BCKDHB: variants seen among roughly 807,000 people sequenced by gnomAD.
BCKDHB encodes the protein branched chain keto acid dehydrogenase E1 subunit beta, also known as 2-oxoisovalerate dehydrogenase subunit beta, mitochondrial.
In BCKDHB, 41 loss-of-function variants were observed where a neutral mutation model predicts 48.5. The observed-to-expected ratio is 0.85, with a 90% CI of 0.66 to 1.10. The LOEUF is 1.10. BCKDHB is among the 50% of genes least tolerant of loss of function. BCKDHB has a pLI of 0.00. For synonymous variants in BCKDHB, 201 were observed against 174.8 expected, an observed-to-expected ratio of 1.15 and a Z score of -1.18; for missense variants, 496 against 494.2, an observed-to-expected ratio of 1.00 and a Z score of -0.03.
At chr6:80,223,480 G>A (rs1775550622) in intron 8 of BCKDHB, among the ~76,000 whole-genome samples, 1 of 151,954 alleles carries the variant, frequency 6.6e-6, no homozygotes, top group Non-Finnish European at 1.5e-5. Flanking sequence ...GTCAGTTTTG[G>A]AAAATAATAA....
chr6:80,159,305 C>A lies in BCKDHB; in HGVS notation c.344-8373C>A, dbSNP rs374742187. Among the ~76,000 whole-genome samples, 262 of 151,628 alleles carry A rather than the reference C, an allele frequency of 1.7e-3. 1 individual carries two copies. Among genetic ancestry groups the A allele is most frequent in the African/African-American group, 6.0e-3 (248 of 41,286 alleles). ...TAAAGTATAAAAAAACCCAAAAAAA[C>A]AACAAAAAAACTATCTTCTCAACTA... On this transcript the variant is annotated intron_variant, in intron 3 of 9. Transcript: ENST00000320393.
the BCKDHB span, among the ~76,000 whole-genome samples, chr6:80,453,634 TA>T: frequency 6.6e-6 from 1 of 152,172 alleles, no homozygotes; most frequent in East Asian, 1.9e-4. Flanking sequence ...TATATTTGCA[TA>T]AAGCCCTGAG....
the BCKDHB span, among the ~76,000 whole-genome samples, chr6:80,454,617 T>C: frequency 6.6e-6 from 1 of 152,168 alleles, no homozygotes; most frequent in African/African-American, 2.4e-5. Flanking sequence ...TGATCTTCCA[T>C]AGAGACCTGG....
chr6:80,352,855 G>A, the BCKDHB span, among the ~76,000 whole-genome samples: 2 of 152,156 alleles, frequency 1.3e-5, no homozygotes, highest in South Asian at 4.1e-4. Flanking sequence ...AGAAAAATGA[G>A]CAGTTCCACA....
At chr6:80,348,460 C>T (rs1770302580), downstream of BCKDHB, among the ~76,000 whole-genome samples, 1 of 152,208 alleles carries the variant, frequency 6.6e-6, no homozygotes, top group Non-Finnish European at 1.5e-5. Flanking sequence ...CCTCTCCCCA[C>T]CACATGTGGT....
intron 8 of BCKDHB, among the ~76,000 whole-genome samples, chr6:80,226,024 T>C (rs981359991): frequency 6.6e-5 from 10 of 152,252 alleles, no homozygotes; most frequent in African/African-American, 2.2e-4. Context: ...TAAAGTTTAC[T>C]CTTAATCCTT....
At chr6:80,178,782 G>C (rs1773281439) in intron 6 of BCKDHB, among the ~76,000 whole-genome samples, 1 of 152,210 alleles carries the variant, frequency 6.6e-6, no homozygotes, top group East Asian at 1.9e-4. Context: ...GTTTGGCACA[G>C]ATGGTGACTT....
At chr6:80,348,095 GA>G (rs1360760623), downstream of BCKDHB, among the ~76,000 whole-genome samples, 1 of 151,840 alleles carries the variant, frequency 6.6e-6, no homozygotes, top group Non-Finnish European at 1.5e-5. Flanking sequence ...CTAACTAAAA[GA>G]CCTGTGTACA....
chr6:80,296,375 C>T lies in BCKDHB; in HGVS notation c.1038+23154C>T, dbSNP rs572083628. On this transcript the variant is annotated intron_variant, in intron 9 of 9. Coordinates refer to ENST00000320393, the MANE Select transcript of BCKDHB (RefSeq NM_183050.4). ...TGTGGCATACAGTGATTTTATGTAGCCATTATAATTATTAATAACATACAG... is the reference window on the plus strand; with the variant it reads ...TGTGGCATACAGTGATTTTATGTAGTCATTATAATTATTAATAACATACAG... Among the ~76,000 whole-genome samples, 5 of 152,146 alleles carry T rather than the reference C, an allele frequency of 3.3e-5. No homozygotes were observed. In the South Asian group the frequency reaches 1.0e-3, roughly 32 times the overall value.
chr6:80,264,986 A>G (rs1372106205), intron 8 of BCKDHB, among the ~76,000 whole-genome samples: 1 of 152,080 alleles, frequency 6.6e-6, no homozygotes. Flanking sequence ...TATTAGGGAA[A>G]TACAAATCAC....
At chr6:80,328,633 C>T (rs1332953638) in intron 9 of BCKDHB, among the ~76,000 whole-genome samples, 5 of 152,112 alleles carry the variant, frequency 3.3e-5, no homozygotes, top group African/African-American at 7.2e-5. Flanking sequence ...AACAAATATA[C>T]CCTCCTGAAC....
At chr6:80,307,745 T>C (rs1767950625) in intron 9 of BCKDHB, 1 of 982,152 alleles carries the variant, frequency 1.0e-6, no homozygotes, top group South Asian at 4.7e-5. Context: ...ATTGTCAGAT[T>C]TATTTTAGTA....
At chr6:80,178,136 C>A (rs1039642877) in intron 6 of BCKDHB, among the ~76,000 whole-genome samples, 1 of 152,220 alleles carries the variant, frequency 6.6e-6, no homozygotes, top group African/African-American at 2.4e-5. Context: ...GTGCCTCTAT[C>A]TCAGCCATTC....
At chr6:80,411,006 C>G in the BCKDHB span, among the ~76,000 whole-genome samples, 1 of 152,128 alleles carries the variant, frequency 6.6e-6, no homozygotes, top group African/African-American at 2.4e-5. Context: ...GAGTTGTGAT[C>G]CTTTGCAGGA....
intron 3 of BCKDHB, among the ~76,000 whole-genome samples, chr6:80,150,074 C>T (rs1321022317): frequency 6.6e-6 from 1 of 152,042 alleles, no homozygotes. Context: ...CTTGGCTGCA[C>T]CCACACTACC....
At chr6:80,286,329 T>C (rs1766625661) in intron 9 of BCKDHB, among the ~76,000 whole-genome samples, 1 of 152,230 alleles carries the variant, frequency 6.6e-6, no homozygotes, top group African/African-American at 2.4e-5. Context: ...AAATGCTGGT[T>C]AGGCTATTTG....
chr6:80,352,010 G>A, the BCKDHB span, among the ~76,000 whole-genome samples: 5 of 151,876 alleles, frequency 3.3e-5, no homozygotes, highest in Non-Finnish European at 7.4e-5. Flanking sequence ...TAGTAGAGAC[G>A]GGGTTTCTCC....
intron 8 of BCKDHB, among the ~76,000 whole-genome samples, chr6:80,269,805 A>G (rs1183782934): frequency 6.6e-6 from 1 of 152,180 alleles, no homozygotes; most frequent in African/African-American, 2.4e-5. Context: ...TGTATCTACA[A>G]TTATTTATCT....
Position 80,217,931 on chromosome 6 carries a change from T to C in BCKDHB, c.951+14719T>C, listed in dbSNP as rs142767614. Among the ~76,000 whole-genome samples the C allele has an allele frequency of 2.6e-5, 4 of 152,208 alleles. No homozygotes were observed. In the East Asian group the frequency reaches 5.8e-4, roughly 22 times the overall value. ...GGAGTTCAGGGCAAATGCATCAAAG[T>C]TGGGGAGAAAGATGTAATAAACACT... On this transcript the variant is annotated intron_variant, in intron 8 of 9. Coordinates refer to ENST00000320393, the MANE Select transcript of BCKDHB (RefSeq NM_183050.4).
Sources: allele counts gnomAD v4.1 joint callset (sites outside exome capture counted in the v4.1 genomes callset), GRCh38; gene constraint gnomAD v4.1.1; transcripts MANE v1.5; gene names NCBI Gene and HGNC (gene_info 2026-07-23, HGNC 2026-07-21).